GALNT13: variants seen among roughly 807,000 people sequenced by gnomAD.
GALNT13 encodes the protein UDP-GalNAc:polypeptide N-acetylgalactosaminyltransferase 13.
GALNT13 carries 28 observed loss-of-function variants against 64.2 expected under a neutral mutation model. The observed-to-expected ratio is 0.44, with a 90% CI of 0.32 to 0.60. The LOEUF is 0.60. Among genes scored for constraint, GALNT13 ranks in the 20% least tolerant of loss-of-function variants. The pLI is 0.05. For synonymous variants in GALNT13, 214 were observed against 224.6 expected (o/e 0.95, Z 0.42); for missense variants, 577 against 669.8 (o/e 0.86, Z 1.53).
At chr2:154,031,228 C>G (rs1698316488) in intron 3 of GALNT13, among the ~76,000 whole-genome samples, 1 of 151,594 alleles carries the variant, frequency 6.6e-6, no homozygotes, top group Admixed American at 6.6e-5. Flanking sequence ...AGATATGTAA[C>G]TTAAACTAGG....
chr2:153,070,634 GT>G, the GALNT13 span, among the ~76,000 whole-genome samples: 1 of 152,144 alleles, frequency 6.6e-6, no homozygotes, highest in Non-Finnish European at 1.5e-5. Flanking sequence ...GCTCCAAAAA[GT>G]AAAGTCTATT....
chr2:153,383,699 G>T, the GALNT13 span, among the ~76,000 whole-genome samples: 2 of 152,000 alleles, frequency 1.3e-5, no homozygotes, highest in African/African-American at 4.8e-5. Context: ...AAATAAATTT[G>T]TTCATTGATT....
chr2:153,647,676 CTACA>C, the GALNT13 span, among the ~76,000 whole-genome samples: 1 of 152,180 alleles, frequency 6.6e-6, no homozygotes, highest in Non-Finnish European at 1.5e-5. Context: ...TTTCAGCTTT[CTACA>C]TATGGCTAGC....
At chr2:153,136,848 C>CCCCACACACACACACACACA in the GALNT13 span, among the ~76,000 whole-genome samples, 2 of 148,330 alleles carry the variant, frequency 1.3e-5, no homozygotes. Context: ...GGTGTTTGCA[C>CCCCACACACACACACACACA]CACACACACA....
intron 3 of GALNT13, among the ~76,000 whole-genome samples, chr2:154,114,133 C>T (rs1703143309): frequency 6.6e-6 from 1 of 152,186 alleles, no homozygotes; most frequent in South Asian, 2.1e-4. Flanking sequence ...GCACTAATCT[C>T]CACCATCCCT....
chr2:154,043,627 G>C (rs1043465722), intron 3 of GALNT13, among the ~76,000 whole-genome samples: 1 of 151,562 alleles, frequency 6.6e-6, no homozygotes, highest in African/African-American at 2.4e-5. Context: ...GTAGAGAATA[G>C]GTCACATTAA....
chr2:154,053,326 A>G (rs1699738832), intron 3 of GALNT13, among the ~76,000 whole-genome samples: 1 of 152,176 alleles, frequency 6.6e-6, no homozygotes. Flanking sequence ...GGCGATAGCT[A>G]TACCTCAATA....
At chr2:153,293,663 T>C in the GALNT13 span, among the ~76,000 whole-genome samples, 1 of 152,190 alleles carries the variant, frequency 6.6e-6, no homozygotes, top group Admixed American at 6.6e-5. Flanking sequence ...ATTGTAGCAA[T>C]AGGAAACCAG....
At chr2:153,267,241 G>C in the GALNT13 span, among the ~76,000 whole-genome samples, 1 of 152,176 alleles carries the variant, frequency 6.6e-6, no homozygotes, top group Admixed American at 6.5e-5. Flanking sequence ...AGGCTGGTGG[G>C]TGTTGACTGA....
chr2:153,768,798 G>A, the GALNT13 span, among the ~76,000 whole-genome samples: 2 of 152,074 alleles, frequency 1.3e-5, no homozygotes, highest in African/African-American at 4.8e-5. Context: ...CCCAGGAGGC[G>A]GAGCTTACAG....
chr2:153,461,178 A>T, the GALNT13 span, among the ~76,000 whole-genome samples: 2 of 152,124 alleles, frequency 1.3e-5, no homozygotes, highest in African/African-American at 4.8e-5. Flanking sequence ...TCTCACCAAA[A>T]GTTTGGCAAA....
the GALNT13 span, among the ~76,000 whole-genome samples, chr2:153,770,226 G>C: frequency 8.5e-6 from 1 of 117,192 alleles, no homozygotes. Flanking sequence ...CTTATTTTTT[G>C]AGTTAGATTT....
At chr2:153,973,522 T>A (rs1180833482) in intron 3 of GALNT13, among the ~76,000 whole-genome samples, 1 of 151,994 alleles carries the variant, frequency 6.6e-6, no homozygotes. Flanking sequence ...ATATAGTACC[T>A]TATCTAAACT....
chr2:154,339,990 G>A (rs1334517228), intron 9 of GALNT13, among the ~76,000 whole-genome samples: 2 of 151,982 alleles, frequency 1.3e-5, no homozygotes, highest in African/African-American at 4.8e-5. Context: ...AGGTGTATTA[G>A]GTCATATTAC....
the GALNT13 span, among the ~76,000 whole-genome samples, chr2:153,772,987 C>T: frequency 0.081 from 12,381 of 152,246 alleles, 545 homozygotes; most frequent in Middle Eastern, 0.13. Flanking sequence ...AAGAGAGCTG[C>T]AGGGTGGCCA....
intron 4 of GALNT13, among the ~76,000 whole-genome samples, chr2:154,159,806 G>A (rs41358245): frequency 0.071 from 10,734 of 152,126 alleles, 465 homozygotes; most frequent in Middle Eastern, 0.14. Context: ...TGAGGTAGTC[G>A]GAATTTAATG....
intron 3 of GALNT13, among the ~76,000 whole-genome samples, chr2:153,981,462 C>T (rs567639855): frequency 2.6e-5 from 4 of 151,992 alleles, no homozygotes; most frequent in South Asian, 2.1e-4. Context: ...TGAGAACATG[C>T]GGTGTTTGGT....
chr2:153,402,903 T>C, the GALNT13 span, among the ~76,000 whole-genome samples: 342 of 152,332 alleles, frequency 2.2e-3, no homozygotes, highest in South Asian at 0.01. Context: ...GTAATTTGAT[T>C]GTCTGAAGCC....
At chr2:153,289,920 T>C in the GALNT13 span, among the ~76,000 whole-genome samples, 1 of 152,306 alleles carries the variant, frequency 6.6e-6, no homozygotes, top group South Asian at 2.1e-4. Flanking sequence ...GTCAGGAACA[T>C]GAAAATGGAG....
Sources: allele counts gnomAD v4.1 joint callset (sites outside exome capture counted in the v4.1 genomes callset), GRCh38; gene constraint gnomAD v4.1.1; transcripts MANE v1.5; gene names NCBI Gene and HGNC (gene_info 2026-07-23, HGNC 2026-07-21).